The following SPRED1 variants were observed in gnomAD, a reference collection of about 807,000 sequenced individuals.
SPRED1 encodes sprouty-related, EVH1 domain-containing protein 1.
Under a neutral mutation model 52.3 loss-of-function variants are expected in SPRED1, and 18 were observed. That is an observed-to-expected ratio of 0.34 (90% CI 0.24 to 0.51). The LOEUF (loss-of-function observed/expected upper bound fraction) is 0.51, where lower values mean the gene tolerates loss of function less well. SPRED1 is among the 20% of genes least tolerant of loss of function. The pLI is 0.97. For synonymous variants in SPRED1, 155 were observed against 179.7 expected, an observed-to-expected ratio of 0.86 and a Z score of 1.10; for missense variants, 485 against 551.0, an observed-to-expected ratio of 0.88 and a Z score of 1.20.
intron 1 of SPRED1, among the ~76,000 whole-genome samples, chr15:38,280,913 G>T (rs1400584384): frequency 6.6e-6 from 1 of 152,114 alleles, no homozygotes; most frequent in African/African-American, 2.4e-5. Context: ...TATCTCAAAG[G>T]TTATTATTTA....
At chr15:38,310,727 G>A (rs978396218) in intron 2 of SPRED1, among the ~76,000 whole-genome samples, 1 of 152,096 alleles carries the variant, frequency 6.6e-6, no homozygotes, top group Non-Finnish European at 1.5e-5. Flanking sequence ...GTTTTGTTTA[G>A]AGCAATTGTA....
chr15:38,309,355 G>A (rs1895315902), intron 2 of SPRED1, among the ~76,000 whole-genome samples: 1 of 152,174 alleles, frequency 6.6e-6, no homozygotes, highest in Non-Finnish European at 1.5e-5. Flanking sequence ...TGGCCAGGCT[G>A]GTCTTGAACT....
chr15:38,267,149 A>G (rs1318177081), intron 1 of SPRED1, among the ~76,000 whole-genome samples: 1 of 152,226 alleles, frequency 6.6e-6, no homozygotes, highest in African/African-American at 2.4e-5. Context: ...TTGCTTGTGT[A>G]CATACACATA....
chr15:38,288,527 A>T (rs1238138270), intron 1 of SPRED1, among the ~76,000 whole-genome samples: 1 of 152,206 alleles, frequency 6.6e-6, no homozygotes, highest in Admixed American at 6.5e-5. Context: ...TCCGAGGAGG[A>T]TTCTTGTTAG....
chr15:38,266,801 A>G (rs1338389393), intron 1 of SPRED1, among the ~76,000 whole-genome samples: 5 of 151,162 alleles, frequency 3.3e-5, no homozygotes, highest in Non-Finnish European at 7.4e-5. Flanking sequence ...TGATACTTGA[A>G]GAGCAAGCAA....
intron 1 of SPRED1, among the ~76,000 whole-genome samples, chr15:38,275,645 G>T (rs557564957): frequency 6.6e-5 from 10 of 152,026 alleles, no homozygotes; most frequent in East Asian, 5.8e-4. Context: ...CTACAGGTGC[G>T]CACCATCATG....
At chr15:38,318,881 T>G (rs1478943142) in intron 2 of SPRED1, among the ~76,000 whole-genome samples, 2 of 152,190 alleles carry the variant, frequency 1.3e-5, no homozygotes, top group Non-Finnish European at 2.9e-5. Flanking sequence ...TCCATGTCTT[T>G]GCTATTGTGA....
In SPRED1 at chr15:38,351,881, C is replaced by T; in HGVS notation, c.*217C>T. ...TTTGTTACAGGTTGTAGAGTATTTGCAGAAGGAAACCATTTCTGGTTATTT... is the reference window on the plus strand; with the variant it reads ...TTTGTTACAGGTTGTAGAGTATTTGTAGAAGGAAACCATTTCTGGTTATTT... On this transcript the variant is annotated 3_prime_UTR_variant, in exon 7 of 7. Transcript: ENST00000299084. The T allele has an allele frequency of 1.6e-6, 1 of 609,304 alleles. No homozygotes were observed. Among genetic ancestry groups the T allele is most frequent in the Non-Finnish European group, 2.9e-6 (1 of 348,756 alleles). 37.7% of individuals were successfully genotyped at this position (609,304 alleles called of 1,614,324 possible).
chr15:38,278,532 G>A (rs1441135361), intron 1 of SPRED1, among the ~76,000 whole-genome samples: 1 of 152,160 alleles, frequency 6.6e-6, no homozygotes, highest in Non-Finnish European at 1.5e-5. Flanking sequence ...TACTTTTTGT[G>A]TACATTACAG....
chr15:38,265,015 A>G (rs1894280147), intron 1 of SPRED1, among the ~76,000 whole-genome samples: 1 of 152,222 alleles, frequency 6.6e-6, no homozygotes, highest in Non-Finnish European at 1.5e-5. Context: ...TATCCAATAC[A>G]TTATATTGTC....
At chr15:38,258,127 T>G (rs1005888955) in intron 1 of SPRED1, among the ~76,000 whole-genome samples, 13 of 152,246 alleles carry the variant, frequency 8.5e-5, no homozygotes, top group African/African-American at 3.1e-4. Flanking sequence ...TTTGCAATTC[T>G]GCCATTAAAT....
intron 2 of SPRED1, among the ~76,000 whole-genome samples, chr15:38,318,685 G>GT (rs1356459464): frequency 6.6e-6 from 1 of 152,134 alleles, no homozygotes; most frequent in East Asian, 1.9e-4. Flanking sequence ...AACATGTGGT[G>GT]TTTGGCTTTC....
chr15:38,279,581 T>A (rs1894642358), intron 1 of SPRED1, among the ~76,000 whole-genome samples: 1 of 152,208 alleles, frequency 6.6e-6, no homozygotes. Flanking sequence ...TCTGCCCAGA[T>A]CAAGGTCCAG....
chr15:38,340,327 T>A (rs941077984), intron 5 of SPRED1, among the ~76,000 whole-genome samples: 1 of 152,196 alleles, frequency 6.6e-6, no homozygotes. Context: ...TCCCTTATTC[T>A]GTTTGTTAAA....
intron 1 of SPRED1, among the ~76,000 whole-genome samples, chr15:38,255,826 G>A (rs1257460078): frequency 6.6e-6 from 1 of 152,068 alleles, no homozygotes; most frequent in East Asian, 1.9e-4. Flanking sequence ...TGCTCATAGG[G>A]ATTTAATTAC....
chr15:38,357,020 A>G lies in SPRED1; in HGVS notation c.*5356A>G, dbSNP rs1009986573. On this transcript the variant is annotated 3_prime_UTR_variant, in exon 7 of 7. Transcript: ENST00000299084. ...TCTTCACATCAAGTTAATACCCACA[A>G]GTAAGTAGAATAGCTTTTATAACAA... The G allele has an allele frequency of 6.6e-6, 1 of 152,202 alleles. No individual in the cohort carries two copies. The highest frequency in any genetic ancestry group is 6.5e-5 in the Admixed American group (1 of 15,282). The allele number at this position is 152,202 out of a possible 1,614,324, so 9.4% of individuals were successfully genotyped here. A position where few individuals can be genotyped will look rare whatever the true frequency, so the allele number is the denominator to read the frequency against.
At chr15:38,337,367 A>G (rs1011618106) in intron 4 of SPRED1, among the ~76,000 whole-genome samples, 1 of 152,172 alleles carries the variant, frequency 6.6e-6, no homozygotes, top group Non-Finnish European at 1.5e-5. Context: ...TAGATTGTAT[A>G]CTTTGCATTT....
chr15:38,286,013 G>T (rs1477666986), intron 1 of SPRED1, among the ~76,000 whole-genome samples: 1 of 152,102 alleles, frequency 6.6e-6, no homozygotes. Flanking sequence ...GGAGGCCAAG[G>T]AGGGAGGTTT....
intron 1 of SPRED1, among the ~76,000 whole-genome samples, chr15:38,254,368 C>G (rs1367066189): frequency 1.3e-5 from 2 of 152,150 alleles, no homozygotes; most frequent in African/African-American, 4.8e-5. Flanking sequence ...TCCCTCCCCA[C>G]CCCAAAACAC....
Sources: gnomAD v4.1 joint callset for allele counts (sites outside exome capture counted in the v4.1 genomes callset) on GRCh38, gnomAD v4.1.1 for gene constraint, MANE v1.5 for transcripts, NCBI Gene and HGNC (gene_info 2026-07-23, HGNC 2026-07-21) for gene names.